The following ME3 variants were observed in gnomAD, a reference collection of about 807,000 sequenced individuals.
ME3 encodes NADP-dependent malic enzyme, mitochondrial.
Under a neutral mutation model 68.9 loss-of-function variants are expected in ME3, and 48 were observed. The observed-to-expected ratio is 0.70, with a 90% CI of 0.55 to 0.89. The LOEUF is 0.89. ME3 is among the 40% of genes least tolerant of loss of function. The pLI is 0.00. For synonymous variants in ME3, 320 were observed against 318.8 expected, an observed-to-expected ratio of 1.00 and a Z score of -0.04; for missense variants, 675 against 797.4, an observed-to-expected ratio of 0.85 and a Z score of 1.85.
chr11:86,508,762 G>A, intron 5 of ME3, 30 bp downstream of exon 5: 3 of 1,571,096 alleles, frequency 1.9e-6, no homozygotes, highest in Non-Finnish European at 2.6e-6. Flanking sequence ...ACCCAACAAT[G>A]ATTAAATAGC....
chr11:86,562,147 T>C (rs947225204), intron 2 of ME3, among the ~76,000 whole-genome samples: 2 of 152,204 alleles, frequency 1.3e-5, no homozygotes, highest in African/African-American at 4.8e-5. Context: ...TTTTCTAGAA[T>C]GTCATACAAT....
chr11:86,480,861 G>T (rs901372068), intron 7 of ME3, among the ~76,000 whole-genome samples: 2 of 152,174 alleles, frequency 1.3e-5, no homozygotes, highest in Non-Finnish European at 2.9e-5. Context: ...CTCCATGGCA[G>T]GGTGAGCTCA....
intron 4 of ME3, among the ~76,000 whole-genome samples, chr11:86,527,651 T>G (rs913993168): frequency 2.0e-5 from 3 of 152,174 alleles, no homozygotes; most frequent in Admixed American, 1.3e-4. Flanking sequence ...GACTAACAGC[T>G]GATCTCTTGG....
chr11:86,639,682 A>T (rs1166328569), intron 2 of ME3, among the ~76,000 whole-genome samples: 1 of 152,096 alleles, frequency 6.6e-6, no homozygotes, highest in African/African-American at 2.4e-5. Flanking sequence ...TCTGGAGCAG[A>T]CATGCCTCCT....
intron 2 of ME3, among the ~76,000 whole-genome samples, chr11:86,604,098 TA>T (rs530899658): frequency 0.014 from 1,963 of 139,432 alleles, 42 homozygotes; most frequent in African/African-American, 0.049. Context: ...AGTATAATAA[TA>T]AAAAAAAAAG....
chr11:86,509,757 A>T (rs1469920838), intron 4 of ME3, among the ~76,000 whole-genome samples: 7 of 3,174 alleles, frequency 2.2e-3, no homozygotes, highest in Non-Finnish European at 5.7e-3. Context: ...GGGGATTGGC[A>T]AAAAAAAAAA....
At chr11:86,671,711 C>G (rs1188269046) in intron 2 of ME3, 51 bp downstream of exon 2, 4 of 1,585,880 alleles carry the variant, frequency 2.5e-6, no homozygotes, top group Non-Finnish European at 3.4e-6. Context: ...GCGCAATTTT[C>G]CGGCAGCCAC....
At chr11:86,591,766 C>T (rs752968056) in intron 2 of ME3, among the ~76,000 whole-genome samples, 3 of 152,018 alleles carry the variant, frequency 2.0e-5, no homozygotes, top group Non-Finnish European at 4.4e-5. Context: ...TGGGGAAACT[C>T]CCCTTTTTTA....
chr11:86,578,913 A>C (rs1288161759), intron 2 of ME3, among the ~76,000 whole-genome samples: 1 of 152,124 alleles, frequency 6.6e-6, no homozygotes, highest in Non-Finnish European at 1.5e-5. Context: ...TGTCATTCCC[A>C]TTTTGCAGAT....
chr11:86,623,161 C>A (rs7115580), intron 2 of ME3, among the ~76,000 whole-genome samples: 58,633 of 151,902 alleles, frequency 0.39, 11,980 homozygotes, highest in East Asian at 0.7. Context: ...AGATCTGCGT[C>A]GTCTCATCTG....
chr11:86,562,044 T>C (rs1957262576), intron 2 of ME3, among the ~76,000 whole-genome samples: 1 of 152,210 alleles, frequency 6.6e-6, no homozygotes, highest in Non-Finnish European at 1.5e-5. Context: ...TTCACTGCAC[T>C]AAAAATTCCA....
intron 8 of ME3, among the ~76,000 whole-genome samples, chr11:86,461,663 G>GCT (rs565375818): frequency 5.3e-5 from 8 of 151,986 alleles, no homozygotes; most frequent in African/African-American, 1.9e-4. Flanking sequence ...TGGCGAGGTG[G>GCT]CTCTCTCTCT....
At chr11:86,642,020 A>T (rs1342099814) in intron 2 of ME3, among the ~76,000 whole-genome samples, 1 of 152,210 alleles carries the variant, frequency 6.6e-6, no homozygotes, top group African/African-American at 2.4e-5. Flanking sequence ...ACAAACTAAG[A>T]CTTGGAAAAG....
downstream of ME3, among the ~76,000 whole-genome samples, chr11:86,438,137 T>G (rs1425496921): frequency 6.6e-6 from 1 of 152,198 alleles, no homozygotes; most frequent in African/African-American, 2.4e-5. Flanking sequence ...CTTCGTTAGG[T>G]TGAAGATGTT....
At chr11:86,626,573 G>C (rs932725432) in intron 2 of ME3, among the ~76,000 whole-genome samples, 7 of 152,186 alleles carry the variant, frequency 4.6e-5, no homozygotes, top group African/African-American at 1.7e-4. Context: ...AGACCTAAAG[G>C]TGGTAGGTAC....
chr11:86,466,056 A>G (rs1950463335), intron 7 of ME3, among the ~76,000 whole-genome samples: 1 of 152,192 alleles, frequency 6.6e-6, no homozygotes, highest in Non-Finnish European at 1.5e-5. Context: ...CCTAGATTTC[A>G]TGGCCTTCCC....
chr11:86,646,206 G>A (rs982937323), intron 2 of ME3, among the ~76,000 whole-genome samples: 1 of 152,154 alleles, frequency 6.6e-6, no homozygotes, highest in African/African-American at 2.4e-5. Flanking sequence ...GAATGAGTTT[G>A]AATTGACAGA....
chr11:86,587,698 A>G (rs1227433225), intron 2 of ME3, among the ~76,000 whole-genome samples: 1 of 152,234 alleles, frequency 6.6e-6, no homozygotes, highest in African/African-American at 2.4e-5. Flanking sequence ...GTGAGCAAGC[A>G]TCCTCCCCAC....
At chr11:86,533,325 C>T (rs1955400309) in intron 4 of ME3, among the ~76,000 whole-genome samples, 1 of 151,850 alleles carries the variant, frequency 6.6e-6, no homozygotes. Flanking sequence ...ACAGCTGATA[C>T]TACAGAAATA....
Sources: gnomAD v4.1 joint callset for allele counts (sites outside exome capture counted in the v4.1 genomes callset) on GRCh38, gnomAD v4.1.1 for gene constraint, MANE v1.5 for transcripts, NCBI Gene and HGNC (gene_info 2026-07-23, HGNC 2026-07-21) for gene names.